The following SAMD9L variants were observed in gnomAD, a reference collection of about 807,000 sequenced individuals.
The protein encoded by SAMD9L is sterile alpha motif domain-containing protein 9-like.
SAMD9L carries 68 observed loss-of-function variants against 90.7 expected under a neutral mutation model. The ratio of observed to expected loss-of-function variants is 0.75; its 90% confidence interval spans 0.62 to 0.92. SAMD9L has a LOEUF of 0.92. SAMD9L is among the 40% of genes least tolerant of loss of function. SAMD9L has a pLI of 0.00. For missense variants in SAMD9L, 1,604 were observed against 1,824.3 expected, an observed-to-expected ratio of 0.88 and a Z score of 2.20; for synonymous variants, 640 against 630.1, an observed-to-expected ratio of 1.02 and a Z score of -0.23.
In SAMD9L at chr7:93,132,042, C is replaced by T; in HGVS notation, c.3930G>A (p.Leu1310=). The change falls in exon 5 of 5, where the codon TTG becomes TTA. Residue 1310 remains leucine, a synonymous_variant. Coordinates refer to ENST00000318238, the MANE Select transcript of SAMD9L (RefSeq NM_152703.5). ...CTTTACTTTGTAATAGACATGGATC[C>T]AAATGACAGAAAAGTTCTGTGTATT... ...FRKYTELFCH[L]DPCLLQSKES... The T allele has an allele frequency of 6.2e-7, 1 of 1,613,574 alleles. No homozygotes were observed. The highest frequency in any genetic ancestry group is 2.2e-5 in the East Asian group (1 of 44,860).
chr7:93,132,416 G>A lies in SAMD9L; in HGVS notation c.3556C>T (p.Gln1186Ter). ...ETENWSPQKS[Q>*]RRYDMYNTAC... ...GTGTTATACATGTCATATCGTCTCT[G>A]GGACTTCTGTGGTGACCAGTTCTCG... Residue 1186 changes from glutamine to a stop codon, truncating the protein, a stop_gained, in exon 5 of 5, where the codon CAG (glutamine) becomes TAG (stop). Coordinates refer to ENST00000318238, the MANE Select transcript of SAMD9L (RefSeq NM_152703.5). LOFTEE classifies it high-confidence loss of function. 1 of 1,613,732 alleles carries A rather than the reference G, an allele frequency of 6.2e-7. No homozygotes were observed. Among genetic ancestry groups the A allele is most frequent in the East Asian group, 2.2e-5 (1 of 44,870 alleles).
chr7:93,133,294 T>C lies in SAMD9L; in HGVS notation c.2678A>G (p.Lys893Arg). Residue 893 changes from lysine (K) to arginine (R), a missense_variant, in exon 5 of 5, where the codon AAA becomes AGA. By Grantham distance (26) the Lys-to-Arg change is conservative. Around this residue, in one of 7 missense-constraint regions of SAMD9L, gnomAD observed 606 missense variants for 717.6 expected, o/e 0.84. Coordinates refer to ENST00000318238, the MANE Select transcript of SAMD9L (RefSeq NM_152703.5). ...CENFYSFMIM[K>R]SNFDETYIEN... is the part of the protein sequence containing the mutation. Reference sequence around the variant, plus strand: ...TATATATGTTTCATCAAAATTGCTTTTCATGATCATGAAGGAATAAAAGTT... The same window carrying C: ...TATATATGTTTCATCAAAATTGCTTCTCATGATCATGAAGGAATAAAAGTT... 1 of 1,612,486 alleles carries C rather than the reference T, an allele frequency of 6.2e-7. No individual in the cohort carries two copies.
chr7:93,136,931 G>A (rs1253897634), intron 4 of SAMD9L, among the ~76,000 whole-genome samples: 1 of 152,092 alleles, frequency 6.6e-6, no homozygotes. Context: ...CTTAAGGTGT[G>A]GTCTCCAAAC....
In SAMD9L at chr7:93,146,060, A is replaced by T. The variant is rs974445999; in HGVS notation, c.-778-20T>A. Reference sequence around the variant, plus strand: ...ATGACCCTGTTAAAATGTAAACATCATATCAATGTTGTGTCCAACCCTGTC... The same window carrying T: ...ATGACCCTGTTAAAATGTAAACATCTTATCAATGTTGTGTCCAACCCTGTC... On this transcript the variant is annotated intron_variant, in intron 2 of 4. Transcript: ENST00000318238. The T allele has an allele frequency of 6.6e-6, 1 of 152,210 alleles. No homozygotes were observed. The highest frequency in any genetic ancestry group is 1.5e-5 in the Non-Finnish European group (1 of 68,056). The allele number at this position is 152,210 out of a possible 1,614,324, so 9.4% of individuals were successfully genotyped here.
chr7:93,138,124 C>T (rs2116519545), intron 4 of SAMD9L, among the ~76,000 whole-genome samples: 1 of 152,246 alleles, frequency 6.6e-6, no homozygotes, highest in African/African-American at 2.4e-5. Flanking sequence ...TTAGCAGAAC[C>T]ATGAGCAACT....
intron 4 of SAMD9L, 24 bp from the exon 5 acceptor site, chr7:93,136,015 T>C (rs752427495): frequency 7.0e-7 from 1 of 1,425,162 alleles, no homozygotes; most frequent in South Asian, 1.5e-5. Context: ...ATATAATAAG[T>C]ATTTTAGAAT....
At position 93,133,447 on chromosome 7, in the gene SAMD9L, G is replaced by C; in HGVS notation, c.2525C>G (p.Ser842Cys). 2.5e-6 allele frequency: 4 copies of C among 1,613,034 alleles called. No individual in the cohort carries two copies. Among genetic ancestry groups the C allele is most frequent in the Non-Finnish European group, 3.4e-6 (4 of 1,179,186 alleles). ...TLVIILNCMR[S>C]RNPDESAKLA... ...TTTTGCACTTTCATCTGGATTCCGG[G>C]ATCTCATGCAGTTTAAGATAATTAC... Residue 842 changes from serine (S) to cysteine (C), a missense_variant, in exon 5 of 5, where the codon TCC becomes TGC. By Grantham distance (112) the Ser-to-Cys change is moderately radical. Transcript: ENST00000318238.
chr7:93,131,738 C>T lies in SAMD9L; in HGVS notation c.4234G>A (p.Glu1412Lys), dbSNP rs1203173505. 1.2e-6 allele frequency: 2 copies of T among 1,613,704 alleles called. No homozygotes were observed. The highest frequency in any genetic ancestry group is 2.2e-5 in the East Asian group (1 of 44,894). ...PLTTLKKQLR[E>K]VLQFVGLSHQ... Reference sequence around the variant, plus strand: ...CTTAGTCCTACAAATTGCAAGACCTCTCGGAGTTGTTTTTTTAGCGTGGTA... The same window carrying T: ...CTTAGTCCTACAAATTGCAAGACCTTTCGGAGTTGTTTTTTTAGCGTGGTA... The change falls in exon 5 of 5, where the codon GAG (glutamate) becomes AAG (lysine). Residue 1412 changes from glutamate (E) to lysine (K), a missense_variant. Glu to Lys is a moderately conservative substitution (Grantham distance 56). This residue lies in a region of SAMD9L where 282 missense variants were observed against 329.6 expected (regional missense o/e 0.86). Transcript: ENST00000318238.
chr7:93,139,923 C>T (rs1192783675), intron 4 of SAMD9L, among the ~76,000 whole-genome samples: 2 of 152,188 alleles, frequency 1.3e-5, no homozygotes, highest in Non-Finnish European at 2.9e-5. Context: ...ATTCATGTTT[C>T]ACTTTTCCTC....
At chr7:93,146,688 T>C (rs1243513795) in intron 2 of SAMD9L, among the ~76,000 whole-genome samples, 195 bp downstream of exon 2, 1 of 152,208 alleles carries the variant, frequency 6.6e-6, no homozygotes, top group Non-Finnish European at 1.5e-5. Flanking sequence ...ATTATTTCGC[T>C]TGGCTGGAAC....
rs747181782 is a variant in SAMD9L, at chr7:93,132,586, C to A, written c.3386G>T (p.Ser1129Ile). 1.9e-5 allele frequency: 30 copies of A among 1,613,662 alleles called. No individual in the cohort carries two copies. The highest frequency in any genetic ancestry group is 2.3e-5 in the Non-Finnish European group (27 of 1,179,824). The change falls in exon 5 of 5, where the codon AGT (serine) becomes ATT (isoleucine). Residue 1129 changes from serine (S) to isoleucine (I), a missense_variant. Ser to Ile is a moderately radical substitution (Grantham distance 142). Coordinates refer to ENST00000318238, the MANE Select transcript of SAMD9L (RefSeq NM_152703.5). ...ISDTLGQVYK[S>I]EIKWWLDGNK... is the part of the protein sequence containing the mutation. ...CCCATCCAACCACCATTTGATTTCA[C>A]TTTTGTAGACTTGACCTAGTGTATC...
chr7:93,132,179 T>G lies in SAMD9L; in HGVS notation c.3793A>C (p.Lys1265Gln). The change falls in exon 5 of 5, where the codon AAA becomes CAA. Residue 1265 changes from lysine to glutamine, a missense_variant. By Grantham distance (53) the Lys-to-Gln change is moderately conservative. Transcript: ENST00000318238. Reference protein sequence around the residue: ...SHLKNLQSDLKRCFDFFIDYM... With the variant: ...SHLKNLQSDLQRCFDFFIDYM... ...TCAATAAAAAAGTCAAAGCACCTTT[T>G]CAGATCTGATTGTAAATTTTTTAGG... 1.2e-6 allele frequency: 2 copies of G among 1,613,680 alleles called. No individual in the cohort carries two copies. Among genetic ancestry groups the G allele is most frequent in the Non-Finnish European group, 1.7e-6 (2 of 1,179,828 alleles).
rs764708012 is a variant in SAMD9L, at chr7:93,133,762, A to G, written c.2210T>C (p.Ile737Thr). ...ESPKPIFAKI[I>T]NLYHHPGCGG... ...ACAGCCTGGATGATGATAAAGATTGATGATTTTTGCAAATATTGGTTTAGG... is the reference window on the plus strand; with the variant it reads ...ACAGCCTGGATGATGATAAAGATTGGTGATTTTTGCAAATATTGGTTTAGG... Residue 737 changes from isoleucine to threonine, a missense_variant, in exon 5 of 5, where the codon ATC becomes ACC. By Grantham distance (89) the Ile-to-Thr change is moderately conservative. Transcript: ENST00000318238. 1.9e-6 allele frequency: 3 copies of G among 1,613,752 alleles called. No homozygotes were observed. The highest frequency in any genetic ancestry group is 1.3e-5 in the African/African-American group (1 of 74,908).
At chr7:93,144,296 C>A (rs1792806854) in intron 4 of SAMD9L, among the ~76,000 whole-genome samples, 1 of 152,212 alleles carries the variant, frequency 6.6e-6, no homozygotes, top group East Asian at 1.9e-4. Context: ...GTGGGTACCA[C>A]ATCTGTGGGT....
rs1295977057 is a variant in SAMD9L at position 93,134,557 on chromosome 7, T to G, written c.1415A>C (p.Gln472Pro). The change falls in exon 5 of 5, where the codon CAA (glutamine) becomes CCA (proline). Residue 472 changes from glutamine (Q) to proline (P), a missense_variant. By Grantham distance (76) the Gln-to-Pro change is moderately conservative. Around this residue, in one of 7 missense-constraint regions of SAMD9L, gnomAD observed 606 missense variants for 717.6 expected, o/e 0.84. Coordinates refer to ENST00000318238, the MANE Select transcript of SAMD9L (RefSeq NM_152703.5). ...SRVANLHFPN[Q>P]YEDKTTNMWE... Reference sequence around the variant, plus strand: ...CATGTTAGTTGTCTTGTCTTCATATTGATTTGGAAAGTGAAGGTTTGCCAC... The same window carrying G: ...CATGTTAGTTGTCTTGTCTTCATATGGATTTGGAAAGTGAAGGTTTGCCAC... 12 of 1,613,856 alleles carry G rather than the reference T, an allele frequency of 7.4e-6. No individual in the cohort carries two copies. Among genetic ancestry groups the G allele is most frequent in the African/African-American group, 1.3e-5 (1 of 74,910 alleles).
rs755811684 is a variant in SAMD9L, at chr7:93,134,954, A to G, written c.1018T>C (p.Ser340Pro). ...CTAGCCCCTTCTCTTACAAACAGTG[A>G]AAGATTTTGGTTTTGTTTCCATATT... ...DKIWKQNQNL[S>P]LFVREGASSR... The change falls in exon 5 of 5, where the codon TCA (serine) becomes CCA (proline). Residue 340 changes from serine to proline, a missense_variant. By Grantham distance (74) the Ser-to-Pro change is moderately conservative. Coordinates refer to ENST00000318238, the MANE Select transcript of SAMD9L (RefSeq NM_152703.5). 2 of 1,613,622 alleles carry G rather than the reference A, an allele frequency of 1.2e-6. No homozygotes were observed. The highest frequency in any genetic ancestry group is 1.7e-6 in the Non-Finnish European group (2 of 1,179,674).
In SAMD9L at chr7:93,132,266, A is replaced by G. The variant is rs1792151124; in HGVS notation, c.3706T>C (p.Trp1236Arg). The G allele has an allele frequency of 1.9e-6, 3 of 1,613,766 alleles. No homozygotes were observed. The highest frequency in any genetic ancestry group is 2.5e-6 in the Non-Finnish European group (3 of 1,179,808). The change falls in exon 5 of 5, where the codon TGG (tryptophan) becomes CGG (arginine). Residue 1236 changes from tryptophan to arginine, a missense_variant. By Grantham distance (101) the Trp-to-Arg change is moderately radical. Around this residue, in one of 7 missense-constraint regions of SAMD9L, gnomAD observed 302 missense variants for 314.7 expected, o/e 0.96. Transcript: ENST00000318238. ...TTTCTGGGATCAGGAGGAATGGTCCACTTTCCTGATAAAAATTGCACCATA... is the reference window on the plus strand; with the variant it reads ...TTTCTGGGATCAGGAGGAATGGTCCGCTTTCCTGATAAAAATTGCACCATA... Reference protein sequence around the residue: ...KHMVQFLSGKWTIPPDPRNEC... With the variant: ...KHMVQFLSGKRTIPPDPRNEC...
At chr7:93,143,456 A>G (rs568802167) in intron 4 of SAMD9L, among the ~76,000 whole-genome samples, 41 of 152,250 alleles carry the variant, frequency 2.7e-4, no homozygotes, top group Admixed American at 2.2e-3. Context: ...ATTCTCCTAA[A>G]TGATCATTTC....
chr7:93,133,467 A>C lies in SAMD9L; in HGVS notation c.2505T>G (p.Ile835Met). The change falls in exon 5 of 5, where the codon ATT becomes ATG. Residue 835 changes from isoleucine (I) to methionine (M), a missense_variant. Transcript: ENST00000318238. Reference sequence around the variant, plus strand: ...TCCGGGATCTCATGCAGTTTAAGATAATTACCAATGTTTTTTCATATCGCA... The same window carrying C: ...TCCGGGATCTCATGCAGTTTAAGATCATTACCAATGTTTTTTCATATCGCA... ...KDLRYEKTLV[I>M]ILNCMRSRNP... The C allele has an allele frequency of 1.9e-6, 3 of 1,612,732 alleles. No homozygotes were observed. Among genetic ancestry groups the C allele is most frequent in the Non-Finnish European group, 2.5e-6 (3 of 1,179,044 alleles).
Sources: gnomAD v4.1 joint callset for allele counts (sites outside exome capture counted in the v4.1 genomes callset) on GRCh38, gnomAD v4.1.1 for gene constraint, gnomAD v4.1.1 regional missense constraint, MANE v1.5 for transcripts, NCBI Gene and HGNC (gene_info 2026-07-23, HGNC 2026-07-21) for gene names.